The following VWC2 variants were observed in gnomAD, a reference collection of about 807,000 sequenced individuals.
VWC2 encodes brorin.
A neutral mutation model predicts 29.8 loss-of-function variants in VWC2; 14 were observed. The observed-to-expected ratio is 0.47, with a 90% CI of 0.31 to 0.74. The LOEUF (loss-of-function observed/expected upper bound fraction) is 0.74, where lower values mean the gene tolerates loss of function less well. Among genes scored for constraint, VWC2 ranks in the 30% least tolerant of loss-of-function variants. VWC2 has a pLI of 0.05. For synonymous variants in VWC2, 213 were observed against 199.0 expected (o/e 1.07, Z -0.59); for missense variants, 457 against 459.8 (o/e 0.99, Z 0.05).
chr7:49,846,125 C>T (rs548193298), intron 3 of VWC2, among the ~76,000 whole-genome samples: 2 of 152,174 alleles, frequency 1.3e-5, no homozygotes, highest in African/African-American at 4.8e-5. Context: ...GATAACTATC[C>T]CAAGGATCTA....
At chr7:49,794,092 C>T (rs10499687) in intron 2 of VWC2, among the ~76,000 whole-genome samples, 16,402 of 152,174 alleles carry the variant, frequency 0.11, 946 homozygotes, top group African/African-American at 0.12. Flanking sequence ...TAACTGAAGA[C>T]TGGAAGAGAA....
chr7:49,871,881 T>G (rs1286551042), intron 3 of VWC2, among the ~76,000 whole-genome samples: 1 of 138,510 alleles, frequency 7.2e-6, no homozygotes, highest in Non-Finnish European at 1.5e-5. Context: ...ATATATAATG[T>G]TTTTTGTATG....
chr7:49,900,894 G>T (rs553778866), intron 3 of VWC2, among the ~76,000 whole-genome samples: 1 of 151,968 alleles, frequency 6.6e-6, no homozygotes, highest in African/African-American at 2.4e-5. Flanking sequence ...CCAACCATGT[G>T]TAAGAATAAT....
intron 3 of VWC2, among the ~76,000 whole-genome samples, chr7:49,865,816 A>G (rs1349535190): frequency 6.6e-6 from 1 of 152,190 alleles, no homozygotes; most frequent in East Asian, 1.9e-4. Flanking sequence ...CCCAGCACCC[A>G]GAATGCTCAT....
chr7:49,789,091 T>TG (rs1788386283), intron 2 of VWC2, among the ~76,000 whole-genome samples: 1 of 142,106 alleles, frequency 7.0e-6, no homozygotes, highest in Non-Finnish European at 1.5e-5. Flanking sequence ...AGTGTAGGTT[T>TG]GGGTGTGAGA....
chr7:49,831,139 T>A (rs1024174802), intron 3 of VWC2, among the ~76,000 whole-genome samples: 1 of 152,118 alleles, frequency 6.6e-6, no homozygotes, highest in Non-Finnish European at 1.5e-5. Flanking sequence ...ACAAAACACC[T>A]CCAGAAGCTC....
intron 3 of VWC2, among the ~76,000 whole-genome samples, chr7:49,808,214 C>T (rs1299426650): frequency 6.6e-6 from 1 of 152,024 alleles, no homozygotes; most frequent in Non-Finnish European, 1.5e-5. Flanking sequence ...CTAGAACAAT[C>T]ACTAAGAAAA....
rs1789372538 is a variant in VWC2, at chr7:49,825,517, T to C, written c.826+22677T>C. 2.0e-5 allele frequency among the ~76,000 whole-genome samples: 3 copies of C among 152,234 alleles called. No individual in the cohort carries two copies. The South Asian group carries it at 6.2e-4, about 32-fold the overall frequency. On this transcript the variant is annotated intron_variant, in intron 3 of 3. Transcript: ENST00000340652. ...CCTTTATTATTTGCCTAGTTCTTTT[T>C]GCTTACAGCTGCTTCTAAATTGGCC...
intron 3 of VWC2, among the ~76,000 whole-genome samples, chr7:49,878,155 G>A (rs1791521649): frequency 6.6e-6 from 1 of 151,976 alleles, no homozygotes; most frequent in African/African-American, 2.4e-5. Context: ...GCCACACTCA[G>A]GCTTCAGATC....
chr7:49,890,493 A>G (rs1792081570), intron 3 of VWC2, among the ~76,000 whole-genome samples: 1 of 152,186 alleles, frequency 6.6e-6, no homozygotes, highest in Non-Finnish European at 1.5e-5. Flanking sequence ...TAGCATCCCT[A>G]CTGAACTATA....
chr7:49,880,887 G>A (rs915421892), intron 3 of VWC2, among the ~76,000 whole-genome samples: 2 of 152,140 alleles, frequency 1.3e-5, no homozygotes, highest in Admixed American at 1.3e-4. Context: ...TAGGATTAAA[G>A]GTTCTCTTAC....
At chr7:49,828,921 T>C (rs537420413) in intron 3 of VWC2, among the ~76,000 whole-genome samples, 9 of 152,276 alleles carry the variant, frequency 5.9e-5, no homozygotes, top group Middle Eastern at 3.4e-3. Flanking sequence ...CACAGCCCAC[T>C]GAAATGATTC....
downstream of VWC2, chr7:49,922,022 A>G (rs1794041028): frequency 6.6e-6 from 1 of 152,226 alleles, no homozygotes. Context: ...AAGTAGATTA[A>G]GCAAGATAAA....
chr7:49,854,335 T>C (rs899472388), intron 3 of VWC2, among the ~76,000 whole-genome samples: 3 of 152,214 alleles, frequency 2.0e-5, no homozygotes, highest in African/African-American at 7.2e-5. Flanking sequence ...ACCAACAATG[T>C]AAACGTGTTC....
intron 2 of VWC2, among the ~76,000 whole-genome samples, chr7:49,799,064 G>T (rs1006212459): frequency 6.6e-6 from 1 of 152,216 alleles, no homozygotes; most frequent in Non-Finnish European, 1.5e-5. Flanking sequence ...GGCTCAGGGG[G>T]TTGGCATGGC....
At position 49,874,064 on chromosome 7, in the gene VWC2, T is replaced by C. The variant is rs1791293345; in HGVS notation, c.827-37970T>C. ...TAGCATACATGGCATATTTTGCTAGTGGCTTTCCCTGAGGAAGGAGTAAGG... is the reference window on the plus strand; with the variant it reads ...TAGCATACATGGCATATTTTGCTAGCGGCTTTCCCTGAGGAAGGAGTAAGG... On this transcript the variant is annotated intron_variant, in intron 3 of 3. Coordinates refer to ENST00000340652, the MANE Select transcript of VWC2 (RefSeq NM_198570.5). Among the ~76,000 whole-genome samples, 3 of 152,042 alleles carry C rather than the reference T, an allele frequency of 2.0e-5. No homozygotes were observed. The South Asian group carries it at 6.2e-4, about 32-fold the overall frequency.
chr7:49,887,501 G>A (rs1306633305), intron 3 of VWC2, among the ~76,000 whole-genome samples: 1 of 140,774 alleles, frequency 7.1e-6, no homozygotes, highest in Non-Finnish European at 1.5e-5. Flanking sequence ...AATAAAACTT[G>A]TAATTGTGGG....
chr7:49,778,798 T>G (rs562868581), intron 2 of VWC2, among the ~76,000 whole-genome samples: 2 of 152,330 alleles, frequency 1.3e-5, no homozygotes, highest in South Asian at 2.1e-4. Flanking sequence ...AGAGAGAGAT[T>G]GTAGTCTGTA....
intron 3 of VWC2, among the ~76,000 whole-genome samples, chr7:49,848,053 C>T (rs1272834667): frequency 1.3e-5 from 2 of 152,130 alleles, no homozygotes; most frequent in Non-Finnish European, 2.9e-5. Flanking sequence ...GGTGGGAAGT[C>T]GGAAGCTTCT....
Sources: allele counts gnomAD v4.1 joint callset (sites outside exome capture counted in the v4.1 genomes callset), GRCh38; gene constraint gnomAD v4.1.1; transcripts MANE v1.5; gene names NCBI Gene and HGNC (gene_info 2026-07-23, HGNC 2026-07-21).